The following PCDH15 variants were observed in gnomAD, a reference collection of about 807,000 sequenced individuals.
PCDH15 encodes protocadherin-15.
Under a neutral mutation model 178.5 loss-of-function variants are expected in PCDH15, and 129 were observed. The observed-to-expected ratio is 0.72, with a 90% confidence interval of 0.63 to 0.84. The LOEUF is 0.84. Ranked by LOEUF, PCDH15 falls within the 40% of genes least tolerant of loss-of-function variation. PCDH15 has a pLI of 0.00. For missense variants in PCDH15, 2,230 were observed against 2,099.9 expected (o/e 1.06, Z -1.21); for synonymous variants, 800 against 732.0 (o/e 1.09, Z -1.50).
rs531941162 is a variant in PCDH15, at chr10:54,038,794, T to TA, written c.2221-15598dup. On this transcript the variant is annotated intron_variant, in intron 18 of 37. Coordinates refer to ENST00000644397, the MANE Select transcript of PCDH15 (RefSeq NM_001384140.1). The stretch of plus-strand genomic sequence containing the variant: ...CTCTATCTTGGATTGGTTTTTTTCT[T>TA]AGAGTATAAAATCCTTGCTTAACAG... Among the ~76,000 whole-genome samples the TA allele has an allele frequency of 3.9e-5, 6 of 152,110 alleles. No homozygotes were observed. In the East Asian group the frequency reaches 1.2e-3, roughly 30 times the overall value.
At chr10:55,496,771 T>G (rs1019782435) in intron 2 of PCDH15, among the ~76,000 whole-genome samples, 1 of 151,864 alleles carries the variant, frequency 6.6e-6, no homozygotes, top group African/African-American at 2.4e-5. Context: ...GGAAAACTGA[T>G]ATGAAAAAGC....
chr10:55,302,354 G>T (rs1375336697), intron 1 of PCDH15, among the ~76,000 whole-genome samples: 2 of 152,088 alleles, frequency 1.3e-5, no homozygotes, highest in Admixed American at 1.3e-4. Flanking sequence ...AAATGGTATT[G>T]TGTTCAAATA....
At chr10:55,274,769 G>A (rs934936108) in intron 1 of PCDH15, among the ~76,000 whole-genome samples, 30 of 152,168 alleles carry the variant, frequency 2.0e-4, no homozygotes, top group African/African-American at 6.8e-4. Context: ...GTTGGTTTCG[G>A]GATGAAACTG....
intron 18 of PCDH15, among the ~76,000 whole-genome samples, chr10:54,037,077 TATG>T (rs2093433095): frequency 6.6e-6 from 1 of 151,940 alleles, no homozygotes; most frequent in Non-Finnish European, 1.5e-5. Flanking sequence ...GCTGTAATCT[TATG>T]ATAAACTTGA....
chr10:54,380,674 C>A (rs1362324035), intron 3 of PCDH15, among the ~76,000 whole-genome samples: 150 of 28,334 alleles, frequency 5.3e-3, no homozygotes, highest in African/African-American at 0.016. Context: ...TATATATGCT[C>A]CATATATATA....
intron 2 of PCDH15, among the ~76,000 whole-genome samples, chr10:54,983,254 A>C (rs1839285123): frequency 6.6e-6 from 1 of 152,174 alleles, no homozygotes. Context: ...CCTTAGCATA[A>C]TCAAATAAGA....
intron 2 of PCDH15, among the ~76,000 whole-genome samples, chr10:54,948,672 T>C (rs368030087): frequency 2.8e-4 from 43 of 152,044 alleles, no homozygotes; most frequent in African/African-American, 9.9e-4. Flanking sequence ...ATTCAACTTC[T>C]CCTAACAAGT....
At chr10:55,594,529 A>G (rs976311942) in intron 2 of PCDH15, among the ~76,000 whole-genome samples, 4 of 152,068 alleles carry the variant, frequency 2.6e-5, no homozygotes, top group African/African-American at 9.6e-5. Context: ...ATAGTAATTT[A>G]GAGACATAAA....
At chr10:55,357,629 C>A (rs1845112945) in intron 2 of PCDH15, among the ~76,000 whole-genome samples, 2 of 151,892 alleles carry the variant, frequency 1.3e-5, no homozygotes, top group African/African-American at 4.8e-5. Context: ...TAGTATCTAG[C>A]ACATAACTAC....
chr10:55,157,858 G>A (rs1384400960), intron 2 of PCDH15, among the ~76,000 whole-genome samples: 1 of 151,876 alleles, frequency 6.6e-6, no homozygotes, highest in Non-Finnish European at 1.5e-5. Flanking sequence ...TAATGTAAAT[G>A]ACGAGTAAAT....
intron 2 of PCDH15, among the ~76,000 whole-genome samples, chr10:55,110,605 C>A (rs1439260095): frequency 1.3e-5 from 2 of 150,710 alleles, no homozygotes; most frequent in Non-Finnish European, 3.0e-5. Context: ...AATAAACCCT[C>A]ATTTAAATAC....
chr10:54,769,830 CCTT>C (rs928216032), intron 1 of PCDH15, among the ~76,000 whole-genome samples: 44 of 152,180 alleles, frequency 2.9e-4, no homozygotes, highest in African/African-American at 1.0e-3. Flanking sequence ...GATAGACAAT[CCTT>C]CTTTTCTTCT....
intron 2 of PCDH15, among the ~76,000 whole-genome samples, chr10:55,348,377 C>A (rs1245503204): frequency 6.6e-6 from 1 of 151,970 alleles, no homozygotes; most frequent in East Asian, 1.9e-4. Context: ...AAATTCCATT[C>A]CTTTTTCCTG....
At chr10:54,877,850 G>A (rs1490200680) in intron 3 of PCDH15, among the ~76,000 whole-genome samples, 2 of 150,726 alleles carry the variant, frequency 1.3e-5, no homozygotes, top group African/African-American at 4.9e-5. Context: ...AAGAAGCAGA[G>A]CATATTGACA....
At chr10:53,976,212 T>C (rs2090169725) in intron 21 of PCDH15, among the ~76,000 whole-genome samples, 2 of 152,102 alleles carry the variant, frequency 1.3e-5, no homozygotes, top group Non-Finnish European at 2.9e-5. Context: ...AGTGTGATGC[T>C]TCCACCTTTA....
At chr10:55,564,736 T>G (rs959566945) in intron 2 of PCDH15, among the ~76,000 whole-genome samples, 1 of 151,596 alleles carries the variant, frequency 6.6e-6, no homozygotes, top group African/African-American at 2.4e-5. Flanking sequence ...AAAATAGACT[T>G]TAAATAACTG....
chr10:55,337,602 G>A (rs139233426), intron 2 of PCDH15, among the ~76,000 whole-genome samples: 64 of 152,170 alleles, frequency 4.2e-4, no homozygotes, highest in Admixed American at 3.4e-3. Context: ...TTCTGATTCG[G>A]CAAAGTGTAC....
intron 2 of PCDH15, among the ~76,000 whole-genome samples, chr10:55,040,862 T>C (rs1350655978): frequency 1.3e-5 from 2 of 152,088 alleles, no homozygotes; most frequent in Non-Finnish European, 2.9e-5. Flanking sequence ...TCTACTTTAT[T>C]TGTATCTGCA....
chr10:54,595,651 C>A lies in PCDH15; in HGVS notation c.92-67774G>T, dbSNP rs1436707569. Among the ~76,000 whole-genome samples, 3 of 152,034 alleles carry A rather than the reference C, an allele frequency of 2.0e-5. No individual in the cohort carries two copies. The South Asian group carries it at 6.2e-4, about 32-fold the overall frequency. ...TCAGATTATGGATAGGAATAAAAAT[C>A]ATTGAGTTTTGGGAGAATGTTGAAA... is the stretch of plus-strand genomic sequence containing the variant. On this transcript the variant is annotated intron_variant, in intron 2 of 37. Transcript: ENST00000644397.
Sources: gnomAD v4.1 joint callset for allele counts (sites outside exome capture counted in the v4.1 genomes callset) on GRCh38, gnomAD v4.1.1 for gene constraint, MANE v1.5 for transcripts, NCBI Gene and HGNC (gene_info 2026-07-23, HGNC 2026-07-21) for gene names.